KCNT2: variants seen among roughly 807,000 people sequenced by gnomAD.
KCNT2 encodes potassium channel subfamily T member 2.
A neutral mutation model predicts 153.8 loss-of-function variants in KCNT2; 67 were observed. That is an observed-to-expected ratio of 0.44 (90% CI 0.36 to 0.53). The LOEUF (loss-of-function observed/expected upper bound fraction) is 0.53. KCNT2 is among the 20% of genes least tolerant of loss of function. The pLI is 0.00. For synonymous variants in KCNT2, 500 were observed against 458.8 expected, an observed-to-expected ratio of 1.09 and a Z score of -1.15; for missense variants, 975 against 1,354.8, an observed-to-expected ratio of 0.72 and a Z score of 4.40.
chr1:196,359,087 T>A (rs1437222165), intron 14 of KCNT2, among the ~76,000 whole-genome samples: 1 of 152,042 alleles, frequency 6.6e-6, no homozygotes, highest in African/African-American at 2.4e-5. Flanking sequence ...TTTTCCCGAA[T>A]GATAAATGTC....
In KCNT2 at chr1:196,404,512, T is replaced by A. The variant is rs549788447; in HGVS notation, c.1186-5841A>T. Among the ~76,000 whole-genome samples, 4 of 151,692 alleles carry A rather than the reference T, an allele frequency of 2.6e-5. No homozygotes were observed. In the South Asian group the frequency reaches 8.3e-4, roughly 31 times the overall value. ...TCTTCTCTCTAGCGATAATGCACATTCTCCACTCATAACCAGCATTTCCCA... is the reference window on the plus strand; with the variant it reads ...TCTTCTCTCTAGCGATAATGCACATACTCCACTCATAACCAGCATTTCCCA... On this transcript the variant is annotated intron_variant, in intron 12 of 27. Coordinates refer to ENST00000294725, the MANE Select transcript of KCNT2 (RefSeq NM_198503.5).
rs2994255 is a variant in KCNT2 at position 196,394,986 on chromosome 1, A to T, written c.1294+3577T>A. ...TTCTTTGGTCCTAGCTTTCCAATAG[A>T]TTTTTTTTTTTAAGTTTTAATTATG... On this transcript the variant is annotated intron_variant, in intron 13 of 27. Transcript: ENST00000294725. 1.3e-3 allele frequency among the ~76,000 whole-genome samples: 185 copies of T among 143,154 alleles called. 3 individuals are homozygous for T. Among genetic ancestry groups the T allele is most frequent in the South Asian group, 5.1e-3 (24 of 4,738 alleles). The allele number at this position is 143,154 out of a possible 152,430, so 93.9% of individuals were successfully genotyped here.
In KCNT2 at chr1:196,342,060, C is replaced by T; in HGVS notation, c.1553+19G>A. 6.3e-7 allele frequency: 1 copy of T among 1,587,656 alleles called. No homozygotes were observed. Among genetic ancestry groups the T allele is most frequent in the South Asian group, 1.2e-5 (1 of 86,420 alleles). The stretch of plus-strand genomic sequence containing the variant: ...TTGACTGATTGATATTTTAATTTTT[C>T]TCTGAGGCAGAAACATACTTTTTGT... On this transcript the variant is annotated intron_variant, in intron 15 of 27. Coordinates refer to ENST00000294725, the MANE Select transcript of KCNT2 (RefSeq NM_198503.5).
intron 13 of KCNT2, among the ~76,000 whole-genome samples, chr1:196,398,316 T>A (rs1442290783): frequency 1.3e-5 from 2 of 151,456 alleles, no homozygotes; most frequent in Non-Finnish European, 3.0e-5. Context: ...TATTAAGGCA[T>A]CCATTATGTT....
rs146773328 is a variant in KCNT2 at position 196,335,113 on chromosome 1, C to T, written c.1784-1053G>A. ...GTTCCTCTCCTTCTGGAGAAAATAA[C>T]GATGAAAGGCATCATATTTCATAAT... On this transcript the variant is annotated intron_variant, in intron 16 of 27. Transcript: ENST00000294725. 2.0e-3 allele frequency among the ~76,000 whole-genome samples: 298 copies of T among 152,206 alleles called. 2 individuals are homozygous for T. Among genetic ancestry groups the T allele is most frequent in the African/African-American group, 6.9e-3 (285 of 41,546 alleles).
chr1:196,381,360 A>G (rs1437371885), intron 13 of KCNT2, among the ~76,000 whole-genome samples: 4 of 152,022 alleles, frequency 2.6e-5, no homozygotes, highest in Admixed American at 6.6e-5. Context: ...TCTAACCAAG[A>G]GTATACTTTA....
intron 22 of KCNT2, among the ~76,000 whole-genome samples, chr1:196,293,602 A>C (rs1660397981): frequency 6.6e-6 from 1 of 152,180 alleles, no homozygotes; most frequent in South Asian, 2.1e-4. Flanking sequence ...GGATATCTGC[A>C]AGCAAAGGCA....
Position 196,358,236 on chromosome 1 carries a change from AT to A in KCNT2, c.1403+14903del, listed in dbSNP as rs570581101. On this transcript the variant is annotated intron_variant, in intron 14 of 27. Coordinates refer to ENST00000294725, the MANE Select transcript of KCNT2 (RefSeq NM_198503.5). ...TTCTATGAGATTATCTTCCAAAACA[AT>A]TTTTTTTTTTAAATTTCAGCAATCA... 3.8e-3 allele frequency among the ~76,000 whole-genome samples: 562 copies of A among 146,998 alleles called. 2 individuals are homozygous for A. Among genetic ancestry groups the A allele is most frequent in the African/African-American group, 0.013 (513 of 40,294 alleles).
chr1:196,443,295 C>T (rs1022307278), intron 8 of KCNT2, among the ~76,000 whole-genome samples: 3 of 151,416 alleles, frequency 2.0e-5, no homozygotes, highest in African/African-American at 7.3e-5. Context: ...AGTAACTGAC[C>T]TAAGACTATT....
intron 25 of KCNT2, among the ~76,000 whole-genome samples, chr1:196,269,647 A>G (rs937033777): frequency 2.0e-5 from 3 of 152,116 alleles, no homozygotes; most frequent in Non-Finnish European, 4.4e-5. Context: ...AGCTCTTACT[A>G]CAGCCTTTTT....
chr1:196,243,979 T>A (rs1655191130), intron 26 of KCNT2, among the ~76,000 whole-genome samples: 2 of 151,922 alleles, frequency 1.3e-5, no homozygotes, highest in African/African-American at 2.4e-5. Context: ...AAGGACTTTG[T>A]GTTGCAACTT....
At chr1:196,605,933 T>G (rs989665253) in intron 1 of KCNT2, among the ~76,000 whole-genome samples, 1 of 152,182 alleles carries the variant, frequency 6.6e-6, no homozygotes, top group Admixed American at 6.5e-5. Flanking sequence ...TCTTGAGGGA[T>G]TTGAATAATA....
intron 25 of KCNT2, among the ~76,000 whole-genome samples, chr1:196,259,956 A>G (rs1037105104): frequency 2.6e-5 from 4 of 151,924 alleles, no homozygotes; most frequent in Non-Finnish European, 5.9e-5. Context: ...AATGTACTAA[A>G]AATTCACTTC....
chr1:196,537,532 A>T (rs971354963), intron 1 of KCNT2, among the ~76,000 whole-genome samples: 3 of 152,146 alleles, frequency 2.0e-5, no homozygotes, highest in Non-Finnish European at 4.4e-5. Context: ...TGTAAACCTC[A>T]CATGGGACCT....
At chr1:196,440,356 G>T (rs532845044) in intron 8 of KCNT2, among the ~76,000 whole-genome samples, 13 of 152,032 alleles carry the variant, frequency 8.6e-5, no homozygotes, top group South Asian at 4.2e-4. Flanking sequence ...AATACATTTG[G>T]CAATTCTGGC....
At position 196,257,819 on chromosome 1, in the gene KCNT2, G is replaced by C. The variant is rs140809331; in HGVS notation, c.3211+375C>G. On this transcript the variant is annotated intron_variant, in intron 26 of 27. Coordinates refer to ENST00000294725, the MANE Select transcript of KCNT2 (RefSeq NM_198503.5). Reference sequence around the variant, plus strand: ...CTGTGGCCAATACAATCAGTTACTTGTCAATGCCTCAAATTCATTTTATCT... The same window carrying C: ...CTGTGGCCAATACAATCAGTTACTTCTCAATGCCTCAAATTCATTTTATCT... 2.2e-3 allele frequency: 2,160 copies of C among 984,970 alleles called. 36 individuals carry two copies. In the African/African-American group the frequency reaches 0.036, roughly 16 times the overall value. 61.0% of individuals were successfully genotyped at this position (984,970 alleles called of 1,614,324 possible).
chr1:196,561,409 A>G (rs1347014922), intron 1 of KCNT2, among the ~76,000 whole-genome samples: 5 of 151,504 alleles, frequency 3.3e-5, no homozygotes, highest in African/African-American at 1.2e-4. Context: ...GATAAAGAAG[A>G]GAAGTATATG....
chr1:196,529,328 A>G (rs550701663), intron 1 of KCNT2, among the ~76,000 whole-genome samples: 103 of 152,280 alleles, frequency 6.8e-4, no homozygotes, highest in African/African-American at 2.4e-3. Context: ...TATCCATGTC[A>G]GCAAAAACAT....
rs528888497 is a variant in KCNT2 at position 196,395,850 on chromosome 1, T to C, written c.1294+2713A>G. On this transcript the variant is annotated intron_variant, in intron 13 of 27. Transcript: ENST00000294725. ...AAACCGAAGGAGCTATTTAAATAAATGGAAATGCAAATGCCTCATTTCATA... is the reference window on the plus strand; with the variant it reads ...AAACCGAAGGAGCTATTTAAATAAACGGAAATGCAAATGCCTCATTTCATA... Among the ~76,000 whole-genome samples, 150 of 151,818 alleles carry C rather than the reference T, an allele frequency of 9.9e-4. 1 individual carries two copies. The highest frequency in any genetic ancestry group is 2.1e-3 in the African/African-American group (87 of 41,500).
Sources: gnomAD v4.1 joint callset for allele counts (sites outside exome capture counted in the v4.1 genomes callset) on GRCh38, gnomAD v4.1.1 for gene constraint, MANE v1.5 for transcripts, NCBI Gene and HGNC (gene_info 2026-07-23, HGNC 2026-07-21) for gene names.